Variants in SRD5A1 observed in about 807,000 individuals in gnomAD.
SRD5A1 encodes 3-oxo-5-alpha-steroid 4-dehydrogenase 1.
In SRD5A1, 22 loss-of-function variants were observed where a neutral mutation model predicts 28.2. The ratio of observed to expected loss-of-function variants is 0.78; its 90% CI spans 0.56 to 1.12. SRD5A1 has a LOEUF of 1.12. Among genes scored for constraint, SRD5A1 ranks in the 50% most tolerant of loss-of-function variants. The pLI is 0.00. For missense variants in SRD5A1, 300 were observed against 346.7 expected (o/e 0.87, Z 1.07); for synonymous variants, 151 against 135.0 (o/e 1.12, Z -0.82).
chr5:6,672,861 T>A lies in SRD5A1; in HGVS notation c.*4593T>A, dbSNP rs1739401339. On this transcript the variant is annotated 3_prime_UTR_variant, in exon 5 of 5. Coordinates refer to ENST00000274192, the MANE Select transcript of SRD5A1 (RefSeq NM_001047.4). ...GCTAGTTCTCTCAATAAAATAATACTTTCTTTTCTTTCTTAAAATCTAGCT... is the reference window on the plus strand; with the variant it reads ...GCTAGTTCTCTCAATAAAATAATACATTCTTTTCTTTCTTAAAATCTAGCT... 1 of 152,258 alleles carries A rather than the reference T, an allele frequency of 6.6e-6. No homozygotes were observed. The highest frequency in any genetic ancestry group is 2.4e-5 in the African/African-American group (1 of 41,476). 9.4% of individuals were successfully genotyped at this position (152,258 alleles called of 1,614,324 possible).
rs115860317 is a variant in SRD5A1 at position 6,637,479 on chromosome 5, T to C, written c.293+3610T>C. On this transcript the variant is annotated intron_variant, in intron 1 of 4. Coordinates refer to ENST00000274192, the MANE Select transcript of SRD5A1 (RefSeq NM_001047.4). The stretch of plus-strand genomic sequence containing the variant: ...GGAGTCAAGGGCATTAGCTCTGAAC[T>C]GTGTCGGAGTCGCTGGGGGGCTTTG... 3.1e-3 allele frequency among the ~76,000 whole-genome samples: 469 copies of C among 152,324 alleles called. 4 individuals are homozygous for C. Among genetic ancestry groups the C allele is most frequent in the African/African-American group, 0.011 (442 of 41,578 alleles).
At chr5:6,659,061 G>A (rs1488538279) in intron 3 of SRD5A1, among the ~76,000 whole-genome samples, 20 of 151,578 alleles carry the variant, frequency 1.3e-4, no homozygotes, top group Non-Finnish European at 4.4e-5. Flanking sequence ...TGGCTGCAGT[G>A]AGCCTCGATC....
chr5:6,639,445 C>T (rs1289470542), intron 1 of SRD5A1, among the ~76,000 whole-genome samples: 3 of 152,224 alleles, frequency 2.0e-5, no homozygotes, highest in Non-Finnish European at 4.4e-5. Flanking sequence ...CACTCAAGTG[C>T]TGCTTAGGAG....
chr5:6,646,173 C>T (rs186605792), intron 1 of SRD5A1, among the ~76,000 whole-genome samples: 2 of 152,332 alleles, frequency 1.3e-5, no homozygotes, highest in Admixed American at 6.5e-5. Flanking sequence ...AGGATATGAA[C>T]TCATCCTTTT....
chr5:6,666,864 G>A (rs8192246), intron 4 of SRD5A1, among the ~76,000 whole-genome samples: 3,768 of 152,152 alleles, frequency 0.025, 167 homozygotes, highest in African/African-American at 0.083. Flanking sequence ...CTGCCCTCTC[G>A]TGTTTGCCCA....
chr5:6,663,060 C>T (rs1019052656), intron 4 of SRD5A1, 94 bp downstream of exon 4: 7 of 1,449,904 alleles, frequency 4.8e-6, no homozygotes, highest in Admixed American at 2.0e-5. Flanking sequence ...TAATTTAAAT[C>T]GCTGAATTCC....
Position 6,668,232 on chromosome 5 carries a change from A to C in SRD5A1, c.744A>C (p.Pro248=). ...EWYLRKFEEY[P]KFRKIIIPFL... is the part of the protein sequence containing the mutation. ...ACCTCCGGAAATTTGAAGAGTATCCAAAGTTCAGAAAAATTATAATTCCAT... is the reference window on the plus strand; with the variant it reads ...ACCTCCGGAAATTTGAAGAGTATCCCAAGTTCAGAAAAATTATAATTCCAT... Residue 248 remains proline (P), a synonymous_variant, in exon 5 of 5, where the codon CCA becomes CCC. Coordinates refer to ENST00000274192, the MANE Select transcript of SRD5A1 (RefSeq NM_001047.4). 8 of 1,587,972 alleles carry C rather than the reference A, an allele frequency of 5.0e-6. No homozygotes were observed. The highest frequency in any genetic ancestry group is 6.8e-6 in the Non-Finnish European group (8 of 1,168,688).
At chr5:6,641,678 G>C (rs1445279313) in intron 1 of SRD5A1, among the ~76,000 whole-genome samples, 1 of 152,180 alleles carries the variant, frequency 6.6e-6, no homozygotes, top group Non-Finnish European at 1.5e-5. Flanking sequence ...TGTAAGGCTC[G>C]GTTTCCAGTC....
chr5:6,659,404 T>C (rs248801), intron 3 of SRD5A1, among the ~76,000 whole-genome samples: 90,608 of 151,928 alleles, frequency 0.6, 27,692 homozygotes, highest in African/African-American at 0.73. Flanking sequence ...TGAGCCACCG[T>C]GCCCGGCCAA....
Position 6,659,104 on chromosome 5 carries a change from C to CA in SRD5A1, c.562+2936dup, listed in dbSNP as rs1006570325. On this transcript the variant is annotated intron_variant, in intron 3 of 4. Coordinates refer to ENST00000274192, the MANE Select transcript of SRD5A1 (RefSeq NM_001047.4). ...TGCACTCCAGAGGGAGACCCTGTCTCAAAAAAAAAAATCTTTTTTTTTTTT... is the reference window on the plus strand; with the variant it reads ...TGCACTCCAGAGGGAGACCCTGTCTCAAAAAAAAAAAATCTTTTTTTTTTTT... Among the ~76,000 whole-genome samples, 298 of 138,992 alleles carry CA rather than the reference C, an allele frequency of 2.1e-3. 5 individuals are homozygous for CA. The highest frequency in any genetic ancestry group is 6.6e-3 in the African/African-American group (248 of 37,670). The allele number at this position is 138,992 out of a possible 152,430, so 91.2% of individuals were successfully genotyped here. A position where few individuals can be genotyped will look rare whatever the true frequency, so the allele number is the denominator to read the frequency against.
At chr5:6,652,885 A>C (rs1291623896) in intron 2 of SRD5A1, among the ~76,000 whole-genome samples, 1 of 151,770 alleles carries the variant, frequency 6.6e-6, no homozygotes, top group Non-Finnish European at 1.5e-5. Flanking sequence ...AAAAAAAAAA[A>C]AAAAAAAACT....
At chr5:6,665,038 C>T (rs1739120226) in intron 4 of SRD5A1, among the ~76,000 whole-genome samples, 1 of 152,242 alleles carries the variant, frequency 6.6e-6, no homozygotes, top group African/African-American at 2.4e-5. Context: ...GTCCTAAGCC[C>T]TGGCACCTGT....
At chr5:6,639,537 T>C (rs1738298330) in intron 1 of SRD5A1, among the ~76,000 whole-genome samples, 1 of 152,236 alleles carries the variant, frequency 6.6e-6, no homozygotes, top group Non-Finnish European at 1.5e-5. Flanking sequence ...AGAATGGACA[T>C]GGAGGCAGCC....
intron 1 of SRD5A1, among the ~76,000 whole-genome samples, chr5:6,643,168 C>G (rs771401107): frequency 6.6e-6 from 1 of 152,136 alleles, no homozygotes; most frequent in African/African-American, 2.4e-5. Context: ...TCTGCACAGA[C>G]TATCTAAAGA....
intron 4 of SRD5A1, among the ~76,000 whole-genome samples, chr5:6,665,137 A>G (rs1739124678): frequency 6.6e-6 from 1 of 152,256 alleles, no homozygotes; most frequent in South Asian, 2.1e-4. Flanking sequence ...CAGAGTGGGA[A>G]GGCCATGCGA....
chr5:6,656,224 G>GGCAA, intron 3 of SRD5A1, 45 bp downstream of exon 3: 1 of 1,511,864 alleles, frequency 6.6e-7, no homozygotes, highest in Non-Finnish European at 9.2e-7. Flanking sequence ...TGCTTGCCAT[G>GGCAA]GTTCCTGGCT....
At chr5:6,634,351 A>T (rs1560990974) in intron 1 of SRD5A1, among the ~76,000 whole-genome samples, 2 of 149,132 alleles carry the variant, frequency 1.3e-5, no homozygotes, top group African/African-American at 2.5e-5. Flanking sequence ...AAAAATAAAG[A>T]GTTAAAAAGT....
Position 6,649,295 on chromosome 5 carries a change from T to A in SRD5A1, c.294-2547T>A, listed in dbSNP as rs368874337. On this transcript the variant is annotated intron_variant, in intron 1 of 4. Transcript: ENST00000274192. ...TCTTCAGAGCTGTCAGGCAGAGACGTTTAAGTCTGCTGAAGCTGCGCCCAG... is the reference window on the plus strand; with the variant it reads ...TCTTCAGAGCTGTCAGGCAGAGACGATTAAGTCTGCTGAAGCTGCGCCCAG... Among the ~76,000 whole-genome samples the A allele has an allele frequency of 1.1e-3, 175 of 152,212 alleles. 3 individuals are homozygous for A. The highest frequency in any genetic ancestry group is 3.9e-3 in the African/African-American group (163 of 41,542).
At chr5:6,643,425 C>A (rs974113106) in intron 1 of SRD5A1, among the ~76,000 whole-genome samples, 4 of 152,182 alleles carry the variant, frequency 2.6e-5, no homozygotes, top group Non-Finnish European at 5.9e-5. Flanking sequence ...CCACCTCAGT[C>A]TCCCAAGTAG....
Sources: allele counts gnomAD v4.1 joint callset (sites outside exome capture counted in the v4.1 genomes callset), GRCh38; gene constraint gnomAD v4.1.1; transcripts MANE v1.5; gene names NCBI Gene and HGNC (gene_info 2026-07-23, HGNC 2026-07-21).